Variants in CACNA1C observed in about 807,000 individuals in gnomAD.
CACNA1C encodes calcium voltage-gated channel subunit alpha1 C.
Under a neutral mutation model 229.0 loss-of-function variants are expected in CACNA1C, and 30 were observed. The ratio of observed to expected loss-of-function variants is 0.13; its 90% CI spans 0.10 to 0.18. The LOEUF (loss-of-function observed/expected upper bound fraction) is 0.18, where lower values mean the gene tolerates loss of function less well. Among genes scored for constraint, CACNA1C ranks in the 10% least tolerant of loss-of-function variants. The pLI is 1.00. For missense variants in CACNA1C, 1,658 were observed against 2,845.0 expected, an observed-to-expected ratio of 0.58 and a Z score of 9.49; for synonymous variants, 1,114 against 1,132.5, an observed-to-expected ratio of 0.98 and a Z score of 0.33.
intron 1 of CACNA1C, chr12:2,004,351 A>G: frequency 6.2e-7 from 1 of 1,613,334 alleles, no homozygotes; most frequent in Non-Finnish European, 8.5e-7. Flanking sequence ...TGCGGTTGAT[A>G]TAGGGGTCGT....
intron 1 of CACNA1C, among the ~76,000 whole-genome samples, chr12:2,076,701 T>C (rs2063327273): frequency 6.6e-6 from 1 of 152,246 alleles, no homozygotes; most frequent in South Asian, 2.1e-4. Flanking sequence ...TCGATTCCCA[T>C]TTATTCTACA....
At chr12:2,327,491 G>T (rs770329305) in intron 3 of CACNA1C, among the ~76,000 whole-genome samples, 21 of 152,172 alleles carry the variant, frequency 1.4e-4, no homozygotes, top group Non-Finnish European at 2.4e-4. Context: ...TTCTGATTTC[G>T]TTCTGTGCCT....
Position 1,971,601 on chromosome 12 carries a change from C to A in CACNA1C, c.139+400C>A, listed in dbSNP as rs2032303837. Among the ~76,000 whole-genome samples the A allele has an allele frequency of 6.6e-6, 1 of 152,146 alleles. No individual in the cohort carries two copies. Among genetic ancestry groups the A allele is most frequent in the Non-Finnish European group, 1.5e-5 (1 of 68,010 alleles). ...TGATTATATTCAGTAGTGGTATTTTCTTTTTAAATTTCTTCAGTGGAAAAA... is the reference window on the plus strand; with the variant it reads ...TGATTATATTCAGTAGTGGTATTTTATTTTTAAATTTCTTCAGTGGAAAAA... On this transcript the variant is annotated intron_variant, in intron 1 of 46. Transcript: ENST00000682462. This position sits in a 1 kb window ranked among gnomAD's most constrained non-coding sequence, Gnocchi z 4.2.
intron 3 of CACNA1C, among the ~76,000 whole-genome samples, chr12:2,342,261 T>C (rs2096887007): frequency 6.6e-6 from 1 of 152,162 alleles, no homozygotes; most frequent in Admixed American, 6.5e-5. Flanking sequence ...GTTCTGTTTG[T>C]TTCTACTTTG....
At chr12:2,356,509 C>A (rs937530980) in intron 3 of CACNA1C, among the ~76,000 whole-genome samples, 1 of 152,220 alleles carries the variant, frequency 6.6e-6, no homozygotes, top group Non-Finnish European at 1.5e-5. Flanking sequence ...GGCAGGCAGG[C>A]GGCTGGCTCA....
At chr12:2,412,016 G>A (rs1386566022) in intron 3 of CACNA1C, among the ~76,000 whole-genome samples, 1 of 152,046 alleles carries the variant, frequency 6.6e-6, no homozygotes, top group Non-Finnish European at 1.5e-5. Context: ...CTTCTTGCTC[G>A]AGCTAGGCCC....
chr12:2,008,371 CA>C (rs1441822628), intron 1 of CACNA1C, among the ~76,000 whole-genome samples: 3 of 151,730 alleles, frequency 2.0e-5, no homozygotes, highest in Admixed American at 6.6e-5. Context: ...GATGGGGTCT[CA>C]CTATGTTGCT....
chr12:2,318,457 G>A (rs1369275734), intron 3 of CACNA1C, among the ~76,000 whole-genome samples: 1 of 152,248 alleles, frequency 6.6e-6, no homozygotes, highest in African/African-American at 2.4e-5. Flanking sequence ...GTGGAAGGAG[G>A]CCTCCATCCG....
At position 2,082,046 on chromosome 12, in the gene CACNA1C, G is replaced by A. The variant is rs112455896; in HGVS notation, c.49+28435G>A. On this transcript the variant is annotated intron_variant, in intron 1 of 46. Transcript: ENST00000399655. The stretch of plus-strand genomic sequence containing the variant: ...GTAAGAAAACAGGGGGGACAGGGGG[G>A]ATATTCACTTCAGTGCTGCCATCAC... Among the ~76,000 whole-genome samples, 3 of 152,084 alleles carry A rather than the reference G, an allele frequency of 2.0e-5. No homozygotes were observed. In the East Asian group the frequency reaches 5.8e-4, roughly 29 times the overall value.
At chr12:2,191,997 T>C (rs1355092925) in intron 3 of CACNA1C, among the ~76,000 whole-genome samples, 1 of 150,192 alleles carries the variant, frequency 6.7e-6, no homozygotes, top group Non-Finnish European at 1.5e-5. Flanking sequence ...CGCACACATG[T>C]ATTCACACAC....
intron 31 of CACNA1C, 68 bp downstream of exon 31, chr12:2,648,575 C>T: frequency 1.4e-6 from 2 of 1,453,918 alleles, no homozygotes; most frequent in Non-Finnish European, 1.9e-6. Flanking sequence ...ACTCTCCCCA[C>T]CCCGAACTCC....
intron 9 of CACNA1C, among the ~76,000 whole-genome samples, chr12:2,543,939 C>T (rs995185033): frequency 6.6e-6 from 1 of 152,152 alleles, no homozygotes; most frequent in African/African-American, 2.4e-5. Flanking sequence ...GGGCTCTCAT[C>T]CCCTCAGACA....
chr12:2,458,599 A>G (rs547242045), intron 5 of CACNA1C, among the ~76,000 whole-genome samples: 5 of 152,194 alleles, frequency 3.3e-5, no homozygotes, highest in Non-Finnish European at 5.9e-5. Context: ...GACTCAAGAC[A>G]TAGGAGACCC....
At chr12:2,541,656 CAGCTGGTG>C (rs1383461812) in intron 9 of CACNA1C, among the ~76,000 whole-genome samples, 2 of 152,346 alleles carry the variant, frequency 1.3e-5, no homozygotes, top group Admixed American at 1.3e-4. Context: ...AGATTGACAG[CAGCTGGTG>C]AGCTCTCTGG....
chr12:1,987,931 A>C (rs1043965931), intron 1 of CACNA1C, among the ~76,000 whole-genome samples: 1 of 152,188 alleles, frequency 6.6e-6, no homozygotes, highest in East Asian at 1.9e-4. Context: ...AACTCTTAAA[A>C]AGTAGCTGTA....
intron 9 of CACNA1C, among the ~76,000 whole-genome samples, chr12:2,526,500 G>C (rs928488736): frequency 2.6e-5 from 4 of 152,232 alleles, no homozygotes; most frequent in Non-Finnish European, 5.9e-5. Flanking sequence ...AACAGAACAG[G>C]AAGTTGTATT....
At chr12:2,367,162 C>T (rs2097746215) in intron 3 of CACNA1C, among the ~76,000 whole-genome samples, 2 of 152,178 alleles carry the variant, frequency 1.3e-5, no homozygotes, top group Middle Eastern at 3.2e-3. Context: ...GAAGCTGTTC[C>T]ACCTCAGATC....
intron 3 of CACNA1C, among the ~76,000 whole-genome samples, chr12:2,263,244 C>T (rs2081045673): frequency 6.6e-6 from 1 of 151,648 alleles, no homozygotes; most frequent in South Asian, 2.1e-4. Context: ...TGTCTGGGAG[C>T]AGGAGGGCCA....
At chr12:2,257,381 G>A (rs970428672) in intron 3 of CACNA1C, among the ~76,000 whole-genome samples, 1 of 152,200 alleles carries the variant, frequency 6.6e-6, no homozygotes, top group Non-Finnish European at 1.5e-5. Context: ...TTTCGTGGAA[G>A]ACAATTTTTC....
Sources: allele counts gnomAD v4.1 joint callset (sites outside exome capture counted in the v4.1 genomes callset), GRCh38; gene constraint gnomAD v4.1.1; non-coding constraint Gnocchi (gnomAD v3.1); transcripts MANE v1.5; gene names NCBI Gene and HGNC (gene_info 2026-07-23, HGNC 2026-07-21).